Variants in THRB observed in about 807,000 individuals in gnomAD.
THRB encodes nuclear receptor subfamily 1 group A member 2.
A neutral mutation model predicts 47.8 loss-of-function variants in THRB; 12 were observed. The observed-to-expected ratio is 0.25, with a 90% CI of 0.16 to 0.41. The LOEUF (loss-of-function observed/expected upper bound fraction) is 0.41, where lower values mean the gene tolerates loss of function less well. THRB is among the 10% of genes least tolerant of loss of function. The pLI is 1.00. For missense variants in THRB, 348 were observed against 589.2 expected (o/e 0.59, Z 4.24); for synonymous variants, 218 against 212.2 (o/e 1.03, Z -0.24).
At chr3:24,399,740 C>T (rs2067254285) in intron 1 of THRB, among the ~76,000 whole-genome samples, 1 of 152,180 alleles carries the variant, frequency 6.6e-6, no homozygotes, top group Middle Eastern at 3.4e-3. Context: ...GAAACAAACA[C>T]CCAGAGAAAT....
At chr3:24,485,625 C>T (rs926751558) in intron 1 of THRB, among the ~76,000 whole-genome samples, 1 of 152,188 alleles carries the variant, frequency 6.6e-6, no homozygotes, top group Non-Finnish European at 1.5e-5. Context: ...CAGGAAGGTC[C>T]TCGCCATCTG....
intron 1 of THRB, among the ~76,000 whole-genome samples, chr3:24,374,437 C>T (rs559288832): frequency 1.3e-5 from 2 of 152,044 alleles, no homozygotes; most frequent in Non-Finnish European, 2.9e-5. Context: ...ATGTATAAAA[C>T]ATTTAGCTAT....
At chr3:24,194,712 T>C (rs2043767501) in intron 4 of THRB, among the ~76,000 whole-genome samples, 1 of 152,206 alleles carries the variant, frequency 6.6e-6, no homozygotes, top group Non-Finnish European at 1.5e-5. Flanking sequence ...TTAACATAAC[T>C]ACTTACATCC....
chr3:24,231,656 A>G (rs1010066018), intron 3 of THRB, among the ~76,000 whole-genome samples: 7 of 152,084 alleles, frequency 4.6e-5, no homozygotes, highest in Non-Finnish European at 8.8e-5. Flanking sequence ...AGAGTTTTCA[A>G]TGTAATTCCA....
intron 3 of THRB, among the ~76,000 whole-genome samples, chr3:24,272,690 T>C (rs1323609798): frequency 2.6e-5 from 4 of 152,204 alleles, no homozygotes; most frequent in African/African-American, 9.6e-5. Flanking sequence ...TCTGGTAGGA[T>C]TAGGTCACAA....
At chr3:24,163,780 G>A (rs575633636) in intron 5 of THRB, among the ~76,000 whole-genome samples, 1 of 152,144 alleles carries the variant, frequency 6.6e-6, no homozygotes, top group South Asian at 2.1e-4. Context: ...TATATTTCAT[G>A]CTGTAATCCC....
intron 8 of THRB, among the ~76,000 whole-genome samples, chr3:24,138,399 G>A (rs112472391): frequency 1.3e-5 from 2 of 152,144 alleles, no homozygotes; most frequent in African/African-American, 2.4e-5. Context: ...GTGGCAGTGC[G>A]GGGTGTGGGG....
Position 24,427,562 on chromosome 3 carries a change from A to C in THRB, c.-261+67090T>G, listed in dbSNP as rs182642858. Among the ~76,000 whole-genome samples the C allele has an allele frequency of 1.4e-4, 22 of 152,170 alleles. No individual in the cohort carries two copies. The East Asian group carries it at 4.3e-3, about 30-fold the overall frequency. On this transcript the variant is annotated intron_variant, in intron 1 of 10. Coordinates refer to ENST00000646209, the MANE Select transcript of THRB (RefSeq NM_001354712.2). The stretch of plus-strand genomic sequence containing the variant: ...ATAGAATCCATACAAATAAGCAGAA[A>C]ATTGATAAATTAACCTATCATTTAT...
chr3:24,474,358 A>G (rs1383247506), intron 1 of THRB, among the ~76,000 whole-genome samples: 2 of 152,232 alleles, frequency 1.3e-5, no homozygotes, highest in Non-Finnish European at 2.9e-5. Context: ...GCACAGGGTA[A>G]GAAAATGCAT....
chr3:24,206,025 G>A (rs967529334), intron 4 of THRB, among the ~76,000 whole-genome samples: 2 of 152,138 alleles, frequency 1.3e-5, no homozygotes, highest in East Asian at 3.9e-4. Context: ...CCTACAAAGA[G>A]ACTTAGACTC....
intron 1 of THRB, among the ~76,000 whole-genome samples, chr3:24,340,097 A>G (rs1470454466): frequency 6.6e-6 from 1 of 152,200 alleles, no homozygotes; most frequent in East Asian, 1.9e-4. Context: ...TGCAAATTGA[A>G]GGTTAAAGGA....
intron 6 of THRB, among the ~76,000 whole-genome samples, chr3:24,151,001 A>T (rs2036838959): frequency 6.6e-6 from 1 of 152,226 alleles, no homozygotes; most frequent in Non-Finnish European, 1.5e-5. Flanking sequence ...AAATAGCCAG[A>T]ACTTACTTGT....
At chr3:24,473,721 A>C (rs888229540) in intron 1 of THRB, among the ~76,000 whole-genome samples, 1 of 152,236 alleles carries the variant, frequency 6.6e-6, no homozygotes, top group African/African-American at 2.4e-5. Flanking sequence ...TGGATAAAGA[A>C]AATGTGGCAC....
At chr3:24,417,389 T>A (rs558774566) in intron 1 of THRB, among the ~76,000 whole-genome samples, 39 of 152,050 alleles carry the variant, frequency 2.6e-4, no homozygotes, top group African/African-American at 9.1e-4. Context: ...TTTGACTTCT[T>A]AATTTTAAAA....
intron 5 of THRB, among the ~76,000 whole-genome samples, chr3:24,160,083 A>T (rs1036236679): frequency 1.3e-5 from 2 of 152,176 alleles, no homozygotes; most frequent in Non-Finnish European, 2.9e-5. Flanking sequence ...AGTTGGTGAC[A>T]TAAAGTGATG....
In THRB at chr3:24,228,946, C is replaced by T; in HGVS notation, c.14G>A (p.Ser5Asn). The change falls in exon 4 of 11, where the codon AGT becomes AAT. Residue 5 changes from serine (S) to asparagine (N), a missense_variant. Physicochemically the swap from Ser to Asn is conservative, Grantham distance 46 (BLOSUM62 1). Coordinates refer to ENST00000646209, the MANE Select transcript of THRB (RefSeq NM_001354712.2). ...TAAAAAAAAAAAGATACCTGTCATA[C>T]TGTTGGGAGTCATAGGTTAGTAATC... The part of the protein sequence containing the change: MTPN[S>N]MTENGLTAWD... 1 of 1,612,208 alleles carries T rather than the reference C, an allele frequency of 6.2e-7. No homozygotes were observed. The highest frequency in any genetic ancestry group is 1.1e-5 in the South Asian group (1 of 90,640).
chr3:24,373,690 T>G (rs139132313), intron 1 of THRB, among the ~76,000 whole-genome samples: 1 of 152,224 alleles, frequency 6.6e-6, no homozygotes, highest in African/African-American at 2.4e-5. Flanking sequence ...TAAAGCCAAC[T>G]AAATATGGCC....
chr3:24,370,908 T>G (rs2064858074), intron 1 of THRB, among the ~76,000 whole-genome samples: 1 of 152,206 alleles, frequency 6.6e-6, no homozygotes, highest in Non-Finnish European at 1.5e-5. Flanking sequence ...TGACTCATTC[T>G]TTAAAGAGGT....
At chr3:24,133,166 A>G (rs933527073) in intron 9 of THRB, 150 bp downstream of exon 9, 1 of 794,282 alleles carries the variant, frequency 1.3e-6, no homozygotes, top group African/African-American at 1.7e-5. Flanking sequence ...ATCCAAATGA[A>G]ATAGAATGCA....
Sources: allele counts gnomAD v4.1 joint callset (sites outside exome capture counted in the v4.1 genomes callset), GRCh38; gene constraint gnomAD v4.1.1; transcripts MANE v1.5; gene names NCBI Gene and HGNC (gene_info 2026-07-23, HGNC 2026-07-21).